MINDY3: variants seen among roughly 807,000 people sequenced by gnomAD.
MINDY3 encodes ubiquitin carboxyl-terminal hydrolase MINDY-3.
Under a neutral mutation model 69.2 loss-of-function variants are expected in MINDY3, and 38 were observed. The observed-to-expected ratio is 0.55, with a 90% CI of 0.42 to 0.72. The LOEUF (loss-of-function observed/expected upper bound fraction) is 0.72, where lower values mean the gene tolerates loss of function less well. Among genes scored for constraint, MINDY3 ranks in the 30% least tolerant of loss-of-function variants. MINDY3 has a pLI of 0.00. For synonymous variants in MINDY3, 192 were observed against 180.1 expected, an observed-to-expected ratio of 1.07 and a Z score of -0.53; for missense variants, 522 against 519.0, an observed-to-expected ratio of 1.01 and a Z score of -0.06.
chr10:15,811,121 G>A (rs991689835), intron 10 of MINDY3, among the ~76,000 whole-genome samples: 6 of 151,834 alleles, frequency 4.0e-5, no homozygotes, highest in East Asian at 1.9e-4. Context: ...CACAAGCTTC[G>A]ACTTCTAAAG....
intron 9 of MINDY3, among the ~76,000 whole-genome samples, chr10:15,819,961 G>A (rs1839644259): frequency 1.3e-5 from 2 of 152,168 alleles, no homozygotes; most frequent in Admixed American, 6.5e-5. Context: ...TGGTGAATAC[G>A]TCCATTCATT....
chr10:15,807,292 T>C (rs1286918298), intron 10 of MINDY3, among the ~76,000 whole-genome samples: 1 of 152,066 alleles, frequency 6.6e-6, no homozygotes. Flanking sequence ...AATCAGTTAG[T>C]GCCACAAGAA....
In MINDY3 at chr10:15,782,082, G is replaced by A. The variant is rs1365374410; in HGVS notation, c.1188+73C>T. ...CTTAGGTAGCAATTGTACGGGAATC[G>A]AACATTGTTACATACTCACATAATT... On this transcript the variant is annotated intron_variant, in intron 14 of 14. Coordinates refer to ENST00000277632, the MANE Select transcript of MINDY3 (RefSeq NM_024948.4). 22 of 1,088,780 alleles carry A rather than the reference G, an allele frequency of 2.0e-5. 1 individual carries two copies. In the South Asian group the frequency reaches 2.1e-4, roughly 11 times the overall value. The allele number at this position is 1,088,780 out of a possible 1,614,324, so 67.4% of individuals were successfully genotyped here.
In MINDY3 at chr10:15,786,344, G is replaced by C. The variant is rs145853135; in HGVS notation, c.1116+217C>G. Reference sequence around the variant, plus strand: ...TCCGTATCATTATGTGTATAGACTGGTGTCTGCGTCATCTTCTGCTGCCCT... The same window carrying C: ...TCCGTATCATTATGTGTATAGACTGCTGTCTGCGTCATCTTCTGCTGCCCT... On this transcript the variant is annotated intron_variant, in intron 13 of 14. Transcript: ENST00000277632. Among the ~76,000 whole-genome samples the C allele has an allele frequency of 3.0e-3, 450 of 152,128 alleles. 1 individual carries two copies. Among genetic ancestry groups the C allele is most frequent in the Middle Eastern group, 0.014 (4 of 294 alleles).
At chr10:15,786,456 A>C (rs562320621) in intron 13 of MINDY3, 105 bp downstream of exon 13, 470 of 733,722 alleles carry the variant, frequency 6.4e-4, no homozygotes, top group Non-Finnish European at 9.3e-4. Flanking sequence ...TCTCAGTCTC[A>C]TATCTGCGCA....
At chr10:15,786,398 C>T (rs996889209) in intron 13 of MINDY3, among the ~76,000 whole-genome samples, 163 bp downstream of exon 13, 1 of 152,112 alleles carries the variant, frequency 6.6e-6, no homozygotes, top group African/African-American at 2.4e-5. Flanking sequence ...TTACCGTATT[C>T]GAACACACAT....
At chr10:15,826,447 T>G (rs1170473189) in intron 8 of MINDY3, among the ~76,000 whole-genome samples, 3 of 152,216 alleles carry the variant, frequency 2.0e-5, no homozygotes, top group Non-Finnish European at 4.4e-5. Context: ...TATTTTTCAC[T>G]AAAGAATGTA....
At chr10:15,853,957 C>T (rs12218978) in intron 1 of MINDY3, among the ~76,000 whole-genome samples, 33,845 of 151,902 alleles carry the variant, frequency 0.22, 3,860 homozygotes, top group African/African-American at 0.25. Context: ...CAGATTGTTC[C>T]GATGACATCA....
chr10:15,843,038 T>G (rs1370086632), intron 3 of MINDY3, among the ~76,000 whole-genome samples, 174 bp downstream of exon 3: 1 of 151,908 alleles, frequency 6.6e-6, no homozygotes, highest in Non-Finnish European at 1.5e-5. Flanking sequence ...AACCCCTGGT[T>G]AGAAAGCCAA....
At chr10:15,835,017 C>T (rs1229873821) in intron 6 of MINDY3, among the ~76,000 whole-genome samples, 2 of 152,032 alleles carry the variant, frequency 1.3e-5, no homozygotes, top group Non-Finnish European at 2.9e-5. Context: ...AATACATACA[C>T]ACATGAATAT....
At chr10:15,849,320 G>A (rs568246770) in intron 1 of MINDY3, among the ~76,000 whole-genome samples, 1 of 152,248 alleles carries the variant, frequency 6.6e-6, no homozygotes, top group South Asian at 2.1e-4. Flanking sequence ...GTAGTACGGG[G>A]GTAGGATGGA....
In MINDY3 at chr10:15,812,890, T is replaced by G. The variant is rs550343123; in HGVS notation, c.882+3945A>C. Among the ~76,000 whole-genome samples, 9 of 152,252 alleles carry G rather than the reference T, an allele frequency of 5.9e-5. No individual in the cohort carries two copies. In the South Asian group the frequency reaches 1.9e-3, roughly 32 times the overall value. On this transcript the variant is annotated intron_variant, in intron 10 of 14. Transcript: ENST00000277632. ...GACATTTCTACCCCTCCGCTGCCAA[T>G]CCAATCCATCACCCAGTCCTGTCAT...
rs1291416370 is a variant in MINDY3 at position 15,826,078 on chromosome 10, A to G, written c.731-4352T>C. 4.6e-5 allele frequency among the ~76,000 whole-genome samples: 7 copies of G among 152,346 alleles called. No homozygotes were observed. The East Asian group carries it at 1.3e-3, about 29-fold the overall frequency. On this transcript the variant is annotated intron_variant, in intron 8 of 14. Coordinates refer to ENST00000277632, the MANE Select transcript of MINDY3 (RefSeq NM_024948.4). Reference sequence around the variant, plus strand: ...GACAAAATTAATCTACAGAAAATCAAAATCAAAGAAAACTTTAGCTCAACA... The same window carrying G: ...GACAAAATTAATCTACAGAAAATCAGAATCAAAGAAAACTTTAGCTCAACA...
chr10:15,835,316 T>C (rs1833001825), intron 6 of MINDY3, among the ~76,000 whole-genome samples: 1 of 152,064 alleles, frequency 6.6e-6, no homozygotes, highest in Non-Finnish European at 1.5e-5. Context: ...AAAGATAAAC[T>C]GCTATTCATT....
chr10:15,852,799 G>C (rs1834394584), intron 1 of MINDY3, among the ~76,000 whole-genome samples: 1 of 152,082 alleles, frequency 6.6e-6, no homozygotes, highest in Non-Finnish European at 1.5e-5. Flanking sequence ...CATAGGTTTG[G>C]CGACCACAGA....
At chr10:15,818,472 G>A (rs1839528785) in intron 9 of MINDY3, among the ~76,000 whole-genome samples, 2 of 152,004 alleles carry the variant, frequency 1.3e-5, no homozygotes, top group African/African-American at 4.8e-5. Flanking sequence ...GTTAAAAATA[G>A]AATTACTGTA....
At chr10:15,844,791 C>A (rs114931942) in intron 2 of MINDY3, among the ~76,000 whole-genome samples, 2,291 of 152,212 alleles carry the variant, frequency 0.015, 46 homozygotes, top group African/African-American at 0.049. Flanking sequence ...CATCTTCCCA[C>A]CCTTACATGC....
At chr10:15,780,830 C>G (rs1003699281) in intron 14 of MINDY3, among the ~76,000 whole-genome samples, 2 of 152,016 alleles carry the variant, frequency 1.3e-5, no homozygotes, top group African/African-American at 4.8e-5. Context: ...AAAACTTATA[C>G]TACATACAGG....
chr10:15,830,380 G>A (rs1023684586), intron 8 of MINDY3, among the ~76,000 whole-genome samples: 17 of 152,110 alleles, frequency 1.1e-4, no homozygotes, highest in African/African-American at 3.6e-4. Context: ...AATCATTCCC[G>A]TTGGAGGATG....
Sources: allele counts gnomAD v4.1 joint callset (sites outside exome capture counted in the v4.1 genomes callset), GRCh38; gene constraint gnomAD v4.1.1; transcripts MANE v1.5; gene names NCBI Gene and HGNC (gene_info 2026-07-23, HGNC 2026-07-21).